The following WSCD2 variants were observed in gnomAD, a reference collection of about 807,000 sequenced individuals.
WSCD2 encodes the protein WSC domain sialate O sulfotransferase 2.
A neutral mutation model predicts 55.7 loss-of-function variants in WSCD2; 28 were observed. The ratio of observed to expected loss-of-function variants is 0.50; its 90% CI spans 0.37 to 0.69. The LOEUF is 0.69. Ranked by LOEUF, WSCD2 falls within the 30% of genes least tolerant of loss-of-function variation. WSCD2 has a pLI of 0.00. For missense variants in WSCD2, 616 were observed against 762.1 expected (o/e 0.81, Z 2.26); for synonymous variants, 301 against 301.9 (o/e 1.00, Z 0.03).
chr12:108,151,170 A>G (rs1877958504), intron 1 of WSCD2, among the ~76,000 whole-genome samples: 1 of 152,060 alleles, frequency 6.6e-6, no homozygotes, highest in South Asian at 2.1e-4. Context: ...CATCTACTAC[A>G]GGCTTTCTCA....
In WSCD2 at chr12:108,219,821, C is replaced by G. The variant is rs551680993; in HGVS notation, c.683-4918C>G. 7.2e-5 allele frequency among the ~76,000 whole-genome samples: 11 copies of G among 152,344 alleles called. No homozygotes were observed. The South Asian group carries it at 8.3e-4, about 11-fold the overall frequency. On this transcript the variant is annotated intron_variant, in intron 4 of 8. Transcript: ENST00000547525. ...CCCCCAAAATACTGTCTGTAGCAAC[C>G]CTCCAAGCTCTAGGATTTCATGATG...
intron 2 of WSCD2, 52 bp downstream of exon 2, chr12:108,196,266 T>C (rs1341514651): frequency 6.6e-7 from 1 of 1,524,218 alleles, no homozygotes; most frequent in Admixed American, 2.2e-5. Flanking sequence ...AGGGAGGAGA[T>C]ACTAACAATG....
intron 1 of WSCD2, among the ~76,000 whole-genome samples, chr12:108,166,779 T>TTCTG: frequency 6.7e-6 from 1 of 148,642 alleles, no homozygotes; most frequent in Non-Finnish European, 1.5e-5. Flanking sequence ...CTTTCTTTCT[T>TTCTG]TCTTTCTTTC....
intron 2 of WSCD2, chr12:108,197,056 C>T (rs1163503812): frequency 1.3e-5 from 2 of 152,192 alleles, no homozygotes; most frequent in African/African-American, 4.8e-5. Flanking sequence ...CCACTGGCAT[C>T]TACCCATCCA....
intron 4 of WSCD2, among the ~76,000 whole-genome samples, chr12:108,223,237 G>A (rs536391935): frequency 6.6e-6 from 1 of 152,284 alleles, no homozygotes; most frequent in South Asian, 2.1e-4. Flanking sequence ...TGGGCACCAT[G>A]GCCTAGCTAA....
At chr12:108,223,598 T>A (rs753650940) in intron 4 of WSCD2, among the ~76,000 whole-genome samples, 11 of 152,184 alleles carry the variant, frequency 7.2e-5, no homozygotes, top group Non-Finnish European at 1.2e-4. Flanking sequence ...TCCCTATTGA[T>A]AAATCTTTGT....
At chr12:108,165,501 G>T (rs1160477867) in intron 1 of WSCD2, among the ~76,000 whole-genome samples, 1 of 152,118 alleles carries the variant, frequency 6.6e-6, no homozygotes, top group Non-Finnish European at 1.5e-5. Context: ...AAAGAGCTAG[G>T]ATTATAGGCA....
chr12:108,146,180 A>G (rs902959466), intron 1 of WSCD2, among the ~76,000 whole-genome samples: 2 of 152,222 alleles, frequency 1.3e-5, no homozygotes, highest in Non-Finnish European at 2.9e-5. Context: ...TATCTTCTGT[A>G]TTGTGGTAAT....
At chr12:108,211,800 C>CCCG (rs1297837859) in intron 4 of WSCD2, among the ~76,000 whole-genome samples, 41 of 148,460 alleles carry the variant, frequency 2.8e-4, no homozygotes, top group African/African-American at 9.4e-4. Context: ...ATTAGAGTTT[C>CCCG]CCGCCACCAT....
intron 2 of WSCD2, among the ~76,000 whole-genome samples, chr12:108,205,762 T>C (rs1427268698): frequency 1.3e-5 from 2 of 152,216 alleles, no homozygotes; most frequent in East Asian, 3.8e-4. Context: ...TTTTTGTTCC[T>C]GATTCAAATA....
In WSCD2 at chr12:108,210,176, A is replaced by G. The variant is rs1377897949; in HGVS notation, c.553A>G (p.Ile185Val). 2 of 1,614,074 alleles carry G rather than the reference A, an allele frequency of 1.2e-6. No individual in the cohort carries two copies. The highest frequency in any genetic ancestry group is 3.3e-5 in the Admixed American group (2 of 60,032). ...FGAECYCGHK[I>V]QATNVSEAEC... ...CGCCGAGTGCTACTGCGGCCACAAG[A>G]TCCAGGCGACGAACGTGAGCGAGGC... The change falls in exon 4 of 9, where the codon ATC becomes GTC. Residue 185 changes from isoleucine to valine, a missense_variant. Ile to Val is a conservative substitution (Grantham distance 29). Around this residue, in one of 3 missense-constraint regions of WSCD2, gnomAD observed 374 missense variants for 467.4 expected, o/e 0.80. Transcript: ENST00000547525. This position sits in a 1 kb window ranked among gnomAD's most constrained non-coding sequence, Gnocchi z 4.3.
intron 1 of WSCD2, among the ~76,000 whole-genome samples, chr12:108,163,843 AT>A (rs1203221515): frequency 1.3e-5 from 2 of 151,564 alleles, no homozygotes; most frequent in African/African-American, 4.9e-5. Context: ...ACTGAATAGA[AT>A]GAACTTATGT....
At chr12:108,244,466 C>T (rs1349572361) in intron 8 of WSCD2, 9 of 701,722 alleles carry the variant, frequency 1.3e-5, no homozygotes, top group Non-Finnish European at 2.1e-5. Flanking sequence ...GGACAAATAG[C>T]ATCGTGGACA....
chr12:108,139,516 G>GTCACCAACA (rs1876565091), intron 1 of WSCD2, among the ~76,000 whole-genome samples: 1 of 152,158 alleles, frequency 6.6e-6, no homozygotes, highest in Non-Finnish European at 1.5e-5. Flanking sequence ...TAGTTTTGGA[G>GTCACCAACA]TCACCAACAT....
intron 8 of WSCD2, among the ~76,000 whole-genome samples, chr12:108,242,740 T>G (rs1038178083): frequency 6.6e-6 from 1 of 152,244 alleles, no homozygotes; most frequent in Non-Finnish European, 1.5e-5. Context: ...AAGCCCAGCA[T>G]GCATTAGCTA....
At chr12:108,185,552 C>T (rs1355298033) in intron 1 of WSCD2, among the ~76,000 whole-genome samples, 1 of 152,208 alleles carries the variant, frequency 6.6e-6, no homozygotes, top group Non-Finnish European at 1.5e-5. Flanking sequence ...CCAATTATTT[C>T]AGTGACCCCA....
At chr12:108,236,624 G>A (rs1889290239) in intron 7 of WSCD2, among the ~76,000 whole-genome samples, 1 of 151,272 alleles carries the variant, frequency 6.6e-6, no homozygotes, top group Admixed American at 6.6e-5. Context: ...TTCTCTGCAT[G>A]TCTACCTCTG....
intron 2 of WSCD2, 61 bp from the exon 3 acceptor site, chr12:108,206,228 T>C (rs1039154143): frequency 7.0e-7 from 1 of 1,418,744 alleles, no homozygotes; most frequent in Non-Finnish European, 1.0e-6. Context: ...TGGTGAGGCT[T>C]CCTCCTGTAA....
At chr12:108,219,168 C>A (rs1470589142) in intron 4 of WSCD2, among the ~76,000 whole-genome samples, 1 of 152,198 alleles carries the variant, frequency 6.6e-6, no homozygotes, top group African/African-American at 2.4e-5. Flanking sequence ...TCTCCACGTG[C>A]ATAAACACCT....
Sources: allele counts gnomAD v4.1 joint callset (sites outside exome capture counted in the v4.1 genomes callset), GRCh38; gene constraint gnomAD v4.1.1; regional missense constraint gnomAD v4.1.1; non-coding constraint Gnocchi (gnomAD v3.1); transcripts MANE v1.5; gene names NCBI Gene and HGNC (gene_info 2026-07-23, HGNC 2026-07-21).